Variants in SORCS2 observed in about 807,000 individuals in gnomAD.
SORCS2 encodes sortilin related VPS10 domain containing receptor 2.
In SORCS2, 100 loss-of-function variants were observed where a neutral mutation model predicts 141.6. The ratio of observed to expected loss-of-function variants is 0.71; its 90% CI spans 0.60 to 0.83. The LOEUF (loss-of-function observed/expected upper bound fraction) is 0.83, where lower values mean the gene tolerates loss of function less well. Ranked by LOEUF, SORCS2 falls within the 40% of genes least tolerant of loss-of-function variation. SORCS2 has a pLI of 0.00. For synonymous variants in SORCS2, 789 were observed against 676.9 expected, an observed-to-expected ratio of 1.17 and a Z score of -2.57; for missense variants, 1,646 against 1,560.2, an observed-to-expected ratio of 1.05 and a Z score of -0.93.
chr4:7,281,490 GTCCTGTTGCT>G (rs1471122795), intron 1 of SORCS2, among the ~76,000 whole-genome samples: 1 of 152,158 alleles, frequency 6.6e-6, no homozygotes, highest in Non-Finnish European at 1.5e-5. Flanking sequence ...GGGCCTTTCT[GTCCTGTTGCT>G]GGGCTGTGCG....
intron 8 of SORCS2, among the ~76,000 whole-genome samples, chr4:7,667,664 C>T (rs1484256549): frequency 2.0e-5 from 3 of 152,172 alleles, no homozygotes; most frequent in Admixed American, 6.5e-5. Context: ...CTCTGCTGTA[C>T]TCACCTCTGC....
At chr4:7,497,552 G>A (rs1379491380) in intron 2 of SORCS2, among the ~76,000 whole-genome samples, 2 of 152,234 alleles carry the variant, frequency 1.3e-5, no homozygotes, top group African/African-American at 2.4e-5. Context: ...AAGTCACACC[G>A]CCATTCCCAA....
intron 1 of SORCS2, among the ~76,000 whole-genome samples, chr4:7,323,284 G>A (rs1719022064): frequency 6.6e-6 from 1 of 152,212 alleles, no homozygotes; most frequent in African/African-American, 2.4e-5. Flanking sequence ...GTGAAAAGGA[G>A]AACTGGATTG....
At chr4:7,531,741 G>T (rs758350271) in intron 3 of SORCS2, 112 bp downstream of exon 3, 2 of 1,063,188 alleles carry the variant, frequency 1.9e-6, no homozygotes, top group African/African-American at 3.1e-5. Context: ...GGCCCAGGCC[G>T]GAGTGTGAGA....
chr4:7,315,405 A>G (rs1048090866), intron 1 of SORCS2, among the ~76,000 whole-genome samples: 5 of 152,256 alleles, frequency 3.3e-5, no homozygotes, highest in African/African-American at 4.8e-5. Context: ...GCTCTGGCCA[A>G]TGGCCAGGCA....
intron 2 of SORCS2, among the ~76,000 whole-genome samples, chr4:7,495,599 G>A (rs763111658): frequency 6.6e-5 from 10 of 152,322 alleles, no homozygotes; most frequent in Non-Finnish European, 1.0e-4. Flanking sequence ...ATGGAAATGA[G>A]CAGTTGTCCT....
chr4:7,260,208 G>T (rs964684704), intron 1 of SORCS2, among the ~76,000 whole-genome samples: 16 of 152,338 alleles, frequency 1.1e-4, no homozygotes, highest in African/African-American at 3.6e-4. Context: ...TGGGTAGGAG[G>T]CAGCTGCTCT....
chr4:7,659,443 G>A (rs892935751), intron 5 of SORCS2, among the ~76,000 whole-genome samples: 9 of 152,138 alleles, frequency 5.9e-5, no homozygotes, highest in Non-Finnish European at 8.8e-5. Context: ...CCCGTCTCAG[G>A]CCTCATTCCA....
rs113819400 is a variant in SORCS2 at position 7,339,616 on chromosome 4, C to A, written c.481-56672C>A. Reference sequence around the variant, plus strand: ...ATAGCGTCTCTGTGGCCATTTTTGTCAGGACACCCAGTCATATTGGGCTCA... The same window carrying A: ...ATAGCGTCTCTGTGGCCATTTTTGTAAGGACACCCAGTCATATTGGGCTCA... On this transcript the variant is annotated intron_variant, in intron 1 of 26. Coordinates refer to ENST00000507866, the MANE Select transcript of SORCS2 (RefSeq NM_020777.3). Among the ~76,000 whole-genome samples the A allele has an allele frequency of 9.0e-3, 1,377 of 152,300 alleles. 20 individuals carry two copies. Among genetic ancestry groups the A allele is most frequent in the African/African-American group, 0.029 (1,213 of 41,566 alleles).
chr4:7,502,629 G>A (rs941181200), intron 2 of SORCS2, among the ~76,000 whole-genome samples: 5 of 152,140 alleles, frequency 3.3e-5, no homozygotes, highest in Admixed American at 1.3e-4. Context: ...CCCACTTCCC[G>A]TCTGTCTGGG....
At position 7,492,069 on chromosome 4, in the gene SORCS2, A is replaced by T. The variant is rs4635817; in HGVS notation, c.549-39461A>T. Among the ~76,000 whole-genome samples, 63 of 151,826 alleles carry T rather than the reference A, an allele frequency of 4.1e-4. No individual in the cohort carries two copies. In the East Asian group the frequency reaches 0.012, roughly 28 times the overall value. Reference sequence around the variant, plus strand: ...TGGCCTATCTTCTGCCTCCAGTTTCACCCCAGGCTGAGCCCCATGGGCAAG... The same window carrying T: ...TGGCCTATCTTCTGCCTCCAGTTTCTCCCCAGGCTGAGCCCCATGGGCAAG... On this transcript the variant is annotated intron_variant, in intron 2 of 26. Transcript: ENST00000507866.
rs191410056 is a variant in SORCS2 at position 7,551,142 on chromosome 4, T to C, written c.648+19513T>C. Among the ~76,000 whole-genome samples the C allele has an allele frequency of 9.8e-4, 149 of 152,366 alleles. 2 individuals are homozygous for C. Among genetic ancestry groups the C allele is most frequent in the African/African-American group, 3.3e-3 (136 of 41,592 alleles). On this transcript the variant is annotated intron_variant, in intron 3 of 26. Transcript: ENST00000507866. ...GTCATGGCAAAATATGCTGGAGCTGTATTTTCCAAAGTGATTGAAATTCTT... is the reference window on the plus strand; with the variant it reads ...GTCATGGCAAAATATGCTGGAGCTGCATTTTCCAAAGTGATTGAAATTCTT...
At chr4:7,475,725 T>C (rs376612850) in intron 2 of SORCS2, among the ~76,000 whole-genome samples, 16 of 152,160 alleles carry the variant, frequency 1.1e-4, no homozygotes, top group Admixed American at 1.0e-3. Context: ...TACACACACA[T>C]GCACATATAC....
chr4:7,528,233 G>A (rs1421693167), intron 2 of SORCS2, among the ~76,000 whole-genome samples: 1 of 152,168 alleles, frequency 6.6e-6, no homozygotes, highest in Non-Finnish European at 1.5e-5. Context: ...TAGGCCCGTA[G>A]TATGGGCCTT....
intron 1 of SORCS2, among the ~76,000 whole-genome samples, chr4:7,266,369 G>T (rs980028050): frequency 6.6e-6 from 1 of 152,198 alleles, no homozygotes; most frequent in African/African-American, 2.4e-5. Context: ...GCTGTGAAGG[G>T]AGTGGAGGGC....
chr4:7,364,831 G>A (rs1466273429), intron 1 of SORCS2, among the ~76,000 whole-genome samples: 1 of 152,222 alleles, frequency 6.6e-6, no homozygotes, highest in East Asian at 1.9e-4. Context: ...AGAGTGCACG[G>A]ATGACAGAGC....
At chr4:7,682,990 A>T in intron 10 of SORCS2, 101 bp downstream of exon 10, 1 of 1,391,704 alleles carries the variant, frequency 7.2e-7, no homozygotes, top group Non-Finnish European at 9.7e-7. Context: ...GAGAAGGACC[A>T]TCTGAGACAC....
At chr4:7,479,394 C>T (rs1469199639) in intron 2 of SORCS2, among the ~76,000 whole-genome samples, 1 of 152,084 alleles carries the variant, frequency 6.6e-6, no homozygotes, top group African/African-American at 2.4e-5. Context: ...GCCCTAAAGC[C>T]CCCAGATAAA....
In SORCS2 at chr4:7,531,517, C is replaced by T. The variant is rs1711643174; in HGVS notation, c.549-13C>T. On this transcript the variant is annotated splice_polypyrimidine_tract_variant and intron_variant, in intron 2 of 26. Transcript: ENST00000507866. The stretch of plus-strand genomic sequence containing the variant: ...AGGGTACATGGCTGACGGCTGTCCC[C>T]CTTTTCCCCCAGGTCATCAGATTTC... The T allele has an allele frequency of 3.1e-6, 5 of 1,612,690 alleles. No homozygotes were observed. Among genetic ancestry groups the T allele is most frequent in the African/African-American group, 1.3e-5 (1 of 74,914 alleles).
Sources: allele counts gnomAD v4.1 joint callset (sites outside exome capture counted in the v4.1 genomes callset), GRCh38; gene constraint gnomAD v4.1.1; transcripts MANE v1.5; gene names NCBI Gene and HGNC (gene_info 2026-07-23, HGNC 2026-07-21).